Variants in ANO6 observed in about 807,000 individuals in gnomAD.
ANO6 encodes the protein anoctamin-6.
Under a neutral mutation model 117.5 loss-of-function variants are expected in ANO6, and 106 were observed. The ratio of observed to expected loss-of-function variants is 0.90; its 90% confidence interval spans 0.77 to 1.06. The LOEUF is 1.06. Ranked by LOEUF, ANO6 falls within the 50% of genes least tolerant of loss-of-function variation. ANO6 has a pLI of 0.00. For missense variants in ANO6, 955 were observed against 1,121.1 expected, an observed-to-expected ratio of 0.85 and a Z score of 2.12; for synonymous variants, 367 against 385.1, an observed-to-expected ratio of 0.95 and a Z score of 0.55.
In ANO6 at chr12:45,401,874, C is replaced by T. The variant is rs1202114971; in HGVS notation, c.1466C>T (p.Pro489Leu). 6.2e-7 allele frequency: 1 copy of T among 1,613,908 alleles called. No individual in the cohort carries two copies. Among genetic ancestry groups the T allele is most frequent in the Non-Finnish European group, 8.5e-7 (1 of 1,179,976 alleles). Residue 489 changes from proline to leucine, a missense_variant, in exon 13 of 20, where the codon CCC (proline) becomes CTC (leucine). By Grantham distance (98) the Pro-to-Leu change is moderately conservative. Transcript: ENST00000320560. ...SVFIVFSAKLPKNINGTDPIQ... is the reference protein window; with the variant it reads ...SVFIVFSAKLLKNINGTDPIQ... ...TTCATTGTATTTTCTGCAAAACTTC[C>T]CAAGAACATTAATGGAACAGACCCA...
At position 45,357,275 on chromosome 12, in the gene ANO6, T is replaced by G; in HGVS notation, c.864-15T>G. On this transcript the variant is annotated splice_polypyrimidine_tract_variant and intron_variant, in intron 7 of 19. Coordinates refer to ENST00000320560, the MANE Select transcript of ANO6 (RefSeq NM_001025356.3). ...TTATTTGCATCTTCTAAAAATAATTTCTGTCTTTCTTCAGGAAATACTATG... is the reference window on the plus strand; with the variant it reads ...TTATTTGCATCTTCTAAAAATAATTGCTGTCTTTCTTCAGGAAATACTATG... 1 of 1,612,954 alleles carries G rather than the reference T, an allele frequency of 6.2e-7. No homozygotes were observed. Among genetic ancestry groups the G allele is most frequent in the South Asian group, 1.1e-5 (1 of 91,032 alleles).
chr12:45,353,347 A>T (rs60831882), intron 7 of ANO6, among the ~76,000 whole-genome samples: 4,926 of 152,176 alleles, frequency 0.032, 246 homozygotes, highest in African/African-American at 0.11. Flanking sequence ...ATTTGTACAT[A>T]TGTAAATATT....
At chr12:45,230,069 C>T (rs948495054) in intron 1 of ANO6, among the ~76,000 whole-genome samples, 4 of 151,934 alleles carry the variant, frequency 2.6e-5, no homozygotes, top group Non-Finnish European at 5.9e-5. Flanking sequence ...CCAGTCTTAC[C>T]TCTTTTGTTT....
At chr12:45,371,782 G>C (rs1234783835) in intron 9 of ANO6, among the ~76,000 whole-genome samples, 1 of 152,216 alleles carries the variant, frequency 6.6e-6, no homozygotes, top group East Asian at 1.9e-4. Flanking sequence ...AGAAAAACTG[G>C]AAACTCTAAA....
At chr12:45,399,091 G>A (rs370313674) in intron 12 of ANO6, among the ~76,000 whole-genome samples, 2 of 152,338 alleles carry the variant, frequency 1.3e-5, no homozygotes, top group East Asian at 3.9e-4. Flanking sequence ...GTGTCAGCTG[G>A]CCTCCTGGGC....
At position 45,357,358 on chromosome 12, in the gene ANO6, T is replaced by A; in HGVS notation, c.932T>A (p.Leu311Gln). The A allele has an allele frequency of 1.2e-6, 2 of 1,614,090 alleles. No homozygotes were observed. Among genetic ancestry groups the A allele is most frequent in the Non-Finnish European group, 1.7e-6 (2 of 1,180,000 alleles). The change falls in exon 8 of 20, where the codon CTG becomes CAG. Residue 311 changes from leucine (L) to glutamine (Q), a missense_variant. Leu to Gln is a moderately radical substitution (Grantham distance 113, BLOSUM62 -2). Transcript: ENST00000320560. Reference protein sequence around the residue: ...WLGYYTQMLLLAAVVGVACFL... With the variant: ...WLGYYTQMLLQAAVVGVACFL... ...GGCTATTACACTCAGATGCTTCTCC[T>A]GGCCGCAGTTGTAGGAGTGGCTTGC...
chr12:45,355,152 A>G (rs1941378311), intron 7 of ANO6, among the ~76,000 whole-genome samples: 1 of 152,174 alleles, frequency 6.6e-6, no homozygotes, highest in African/African-American at 2.4e-5. Flanking sequence ...ATGACTGTAT[A>G]CTTGTAACTT....
intron 9 of ANO6, among the ~76,000 whole-genome samples, chr12:45,373,531 A>C (rs199956466): frequency 0.016 from 2,509 of 152,176 alleles, 64 homozygotes; most frequent in East Asian, 0.096. Flanking sequence ...ACAGTGCAAT[A>C]AAACTAGAAC....
chr12:45,421,342 T>C, intron 18 of ANO6, 69 bp downstream of exon 18: 1 of 1,474,602 alleles, frequency 6.8e-7, no homozygotes. Context: ...GACTTAATTC[T>C]GTTTGGTGTC....
chr12:45,254,666 G>A (rs568709399), intron 1 of ANO6, among the ~76,000 whole-genome samples: 1 of 152,322 alleles, frequency 6.6e-6, no homozygotes, highest in African/African-American at 2.4e-5. Flanking sequence ...ACACTTTGGA[G>A]TGAACATAAA....
intron 3 of ANO6, among the ~76,000 whole-genome samples, chr12:45,338,644 C>G (rs1261799772): frequency 6.6e-6 from 1 of 151,794 alleles, no homozygotes; most frequent in Non-Finnish European, 1.5e-5. Context: ...CTTGTTTATG[C>G]TAAGATTGTA....
chr12:45,306,127 T>C (rs550537778), intron 2 of ANO6, among the ~76,000 whole-genome samples: 2 of 152,224 alleles, frequency 1.3e-5, no homozygotes, highest in South Asian at 4.1e-4. Flanking sequence ...CAGGCTGTGG[T>C]CAACATGAAA....
chr12:45,352,806 T>C (rs961625158), intron 7 of ANO6, among the ~76,000 whole-genome samples: 2 of 152,028 alleles, frequency 1.3e-5, no homozygotes, highest in Admixed American at 1.3e-4. Flanking sequence ...AAAAACTTAA[T>C]GGTTTTTTAG....
At chr12:45,254,668 G>A (rs1255408494) in intron 1 of ANO6, among the ~76,000 whole-genome samples, 1 of 152,188 alleles carries the variant, frequency 6.6e-6, no homozygotes, top group Non-Finnish European at 1.5e-5. Flanking sequence ...ACTTTGGAGT[G>A]AACATAAAAT....
intron 1 of ANO6, among the ~76,000 whole-genome samples, chr12:45,227,824 G>A (rs1947508240): frequency 6.6e-6 from 1 of 152,184 alleles, no homozygotes; most frequent in African/African-American, 2.4e-5. Context: ...CAGTGGCTGT[G>A]CTGCAGACAC....
intron 9 of ANO6, among the ~76,000 whole-genome samples, chr12:45,375,160 C>T (rs1243400905): frequency 1.2e-4 from 19 of 152,212 alleles, no homozygotes; most frequent in Non-Finnish European, 2.9e-5. Flanking sequence ...ATGTGAAGGA[C>T]CTCTTCAGGA....
At chr12:45,338,020 C>G (rs1434973873) in intron 3 of ANO6, among the ~76,000 whole-genome samples, 8 of 151,566 alleles carry the variant, frequency 5.3e-5, no homozygotes, top group Admixed American at 5.3e-4. Context: ...ATATAAAAGC[C>G]AGAAAAATAA....
In ANO6 at chr12:45,218,988, A is replaced by G. The variant is rs1031060850; in HGVS notation, c.70+2597A>G. On this transcript the variant is annotated intron_variant, in intron 1 of 19. Transcript: ENST00000320560. ...AGGGTCTTGCTCTGTCACCTAGGCT[A>G]GAGTGTAGTGGCAAGATCATAGTTC... Among the ~76,000 whole-genome samples the G allele has an allele frequency of 4.6e-5, 7 of 152,102 alleles. No homozygotes were observed. The East Asian group carries it at 1.4e-3, about 29-fold the overall frequency.
At chr12:45,369,989 T>C (rs551421247) in intron 9 of ANO6, among the ~76,000 whole-genome samples, 7 of 152,326 alleles carry the variant, frequency 4.6e-5, no homozygotes, top group Non-Finnish European at 1.5e-5. Flanking sequence ...CTCATTTTTT[T>C]CCCCCAAAAT....
Sources: gnomAD v4.1 joint callset for allele counts (sites outside exome capture counted in the v4.1 genomes callset) on GRCh38, gnomAD v4.1.1 for gene constraint, MANE v1.5 for transcripts, NCBI Gene and HGNC (gene_info 2026-07-23, HGNC 2026-07-21) for gene names.